Variants in PPP1R12A observed in about 807,000 individuals in gnomAD.
PPP1R12A encodes the protein protein phosphatase 1 regulatory subunit 12A, also known as myosin binding subunit.
PPP1R12A carries 19 observed loss-of-function variants against 139.6 expected under a neutral mutation model. The ratio of observed to expected loss-of-function variants is 0.14; its 90% CI spans 0.09 to 0.20. The LOEUF is 0.20. PPP1R12A is among the 10% of genes least tolerant of loss of function. The probability of loss-of-function intolerance (pLI) is 1.00; values close to 1 mark genes in which losing one functional copy is unlikely to be tolerated. For synonymous variants in PPP1R12A, 427 were observed against 420.6 expected (o/e 1.02, Z -0.19); for missense variants, 925 against 1,211.5 (o/e 0.76, Z 3.51).
In PPP1R12A at chr12:79,797,340, G is replaced by C; in HGVS notation, c.2147C>G (p.Ser716Cys). 1 of 1,602,668 alleles carries C rather than the reference G, an allele frequency of 6.2e-7. No individual in the cohort carries two copies. The highest frequency in any genetic ancestry group is 1.1e-5 in the South Asian group (1 of 89,028). ...ATTTTCTTGTTCTCTGGTTCGGGTA[G>C]AACGACTTCTTCCTATTGTTTTCTC... ...EAEKTIGRSR[S>C]TRTREQENEE... The change falls in exon 16 of 25, where the codon TCT becomes TGT. Residue 716 changes from serine to cysteine, a missense_variant. Ser to Cys is a moderately radical substitution (Grantham distance 112). Coordinates refer to ENST00000450142, the MANE Select transcript of PPP1R12A (RefSeq NM_002480.3).
intron 3 of PPP1R12A, among the ~76,000 whole-genome samples, chr12:79,837,165 G>T (rs962957796): frequency 6.6e-6 from 1 of 151,998 alleles, no homozygotes; most frequent in Non-Finnish European, 1.5e-5. Flanking sequence ...TAATTGCAAG[G>T]TTTTTAAACA....
chr12:79,777,222 T>C, intron 24 of PPP1R12A: 1 of 929,406 alleles, frequency 1.1e-6, no homozygotes, highest in Non-Finnish European at 1.3e-6. Context: ...TAAATAATAG[T>C]CATATTTTAA....
chr12:79,916,802 A>G (rs1257293086), intron 1 of PPP1R12A, among the ~76,000 whole-genome samples: 1 of 152,226 alleles, frequency 6.6e-6, no homozygotes, highest in Admixed American at 6.5e-5. Context: ...GCCAAACACT[A>G]GCAAACTAAA....
At chr12:79,777,844 A>C (rs1180520626) in intron 24 of PPP1R12A, among the ~76,000 whole-genome samples, 1 of 152,174 alleles carries the variant, frequency 6.6e-6, no homozygotes, top group East Asian at 1.9e-4. Context: ...AAAATACAAA[A>C]GATTTGTCTC....
chr12:79,863,284 AC>A (rs1369188372), intron 2 of PPP1R12A, among the ~76,000 whole-genome samples: 1 of 152,168 alleles, frequency 6.6e-6, no homozygotes, highest in Non-Finnish European at 1.5e-5. Context: ...TTTTGTCACC[AC>A]CATGTCTGCC....
At chr12:79,830,618 A>G (rs978851114) in intron 4 of PPP1R12A, among the ~76,000 whole-genome samples, 6 of 152,196 alleles carry the variant, frequency 3.9e-5, no homozygotes, top group Non-Finnish European at 8.8e-5. Context: ...ACAGGATGTC[A>G]AATGTTTTGA....
At chr12:79,787,518 C>CT (rs947846381) in intron 21 of PPP1R12A, 7 of 151,250 alleles carry the variant, frequency 4.6e-5, no homozygotes, top group Non-Finnish European at 7.4e-5. Context: ...AATCCACTTT[C>CT]TTTTTTTTTG....
chr12:79,822,997 G>C (rs1398684703), intron 5 of PPP1R12A, among the ~76,000 whole-genome samples: 2 of 151,924 alleles, frequency 1.3e-5, no homozygotes, highest in Admixed American at 1.3e-4. Flanking sequence ...TCTTGGTAGA[G>C]TAATAAAACT....
At chr12:79,793,432 C>T (rs919581091) in intron 19 of PPP1R12A, among the ~76,000 whole-genome samples, 4 of 152,300 alleles carry the variant, frequency 2.6e-5, no homozygotes, top group Middle Eastern at 3.4e-3. Context: ...GAAATAAAAT[C>T]TACAGAAATA....
At chr12:79,900,588 T>C (rs986158975) in intron 1 of PPP1R12A, among the ~76,000 whole-genome samples, 2 of 152,192 alleles carry the variant, frequency 1.3e-5, no homozygotes, top group African/African-American at 4.8e-5. Flanking sequence ...TGAACATATC[T>C]TTCAGATATA....
intron 14 of PPP1R12A, among the ~76,000 whole-genome samples, chr12:79,802,092 A>G (rs1565747114): frequency 6.6e-6 from 1 of 152,246 alleles, no homozygotes; most frequent in South Asian, 2.1e-4. Context: ...ATTCTGGGAT[A>G]TAAGAGGGGC....
At chr12:79,862,827 G>A (rs533712021) in intron 2 of PPP1R12A, among the ~76,000 whole-genome samples, 55 of 152,176 alleles carry the variant, frequency 3.6e-4, no homozygotes, top group Non-Finnish European at 6.9e-4. Context: ...GTGAAAAAAC[G>A]AAATCAATGT....
At chr12:79,789,779 T>C (rs1194440450) in intron 20 of PPP1R12A, 3 of 11,092 alleles carry the variant, frequency 2.7e-4, no homozygotes, top group South Asian at 8.0e-3. Context: ...TAGGTGACAC[T>C]TTTTTTTTTT....
intron 12 of PPP1R12A, 135 bp downstream of exon 12, chr12:79,807,091 T>C: frequency 3.6e-6 from 2 of 548,066 alleles, no homozygotes; most frequent in Non-Finnish European, 6.3e-6. Flanking sequence ...TTAGAGTAAG[T>C]TTTAAACAAC....
intron 1 of PPP1R12A, among the ~76,000 whole-genome samples, chr12:79,893,071 C>A (rs1884809970): frequency 6.6e-6 from 1 of 151,292 alleles, no homozygotes; most frequent in Non-Finnish European, 1.5e-5. Flanking sequence ...CCACTGTACT[C>A]CCAGCCTGGG....
chr12:79,927,630 G>A (rs1357039535), intron 1 of PPP1R12A, among the ~76,000 whole-genome samples: 3 of 152,134 alleles, frequency 2.0e-5, no homozygotes, highest in Non-Finnish European at 4.4e-5. Context: ...CTGGCATAGG[G>A]TAAAGTTTGA....
chr12:79,779,345 C>T (rs952473275), intron 23 of PPP1R12A: 28 of 1,288,982 alleles, frequency 2.2e-5, no homozygotes, highest in South Asian at 2.0e-4. Flanking sequence ...TGACTCTTGC[C>T]GGTCACCTTT....
intron 2 of PPP1R12A, among the ~76,000 whole-genome samples, chr12:79,857,745 T>C (rs1880849369): frequency 6.6e-6 from 1 of 152,176 alleles, no homozygotes; most frequent in Admixed American, 6.5e-5. Context: ...CACATGTATC[T>C]ATCTATAAGC....
intron 20 of PPP1R12A, among the ~76,000 whole-genome samples, 163 bp from the exon 21 acceptor site, chr12:79,788,946 T>C (rs1871456250): frequency 6.6e-6 from 1 of 152,214 alleles, no homozygotes; most frequent in East Asian, 1.9e-4. Context: ...GGAAGTTATT[T>C]TATTTTTTTA....
Sources: gnomAD v4.1 joint callset for allele counts (sites outside exome capture counted in the v4.1 genomes callset) on GRCh38, gnomAD v4.1.1 for gene constraint, MANE v1.5 for transcripts, NCBI Gene and HGNC (gene_info 2026-07-23, HGNC 2026-07-21) for gene names.